TIAM1: variants seen among roughly 807,000 people sequenced by gnomAD.
TIAM1 encodes the protein TIAM Rac1 associated GEF 1.
Under a neutral mutation model 163.5 loss-of-function variants are expected in TIAM1, and 65 were observed. That is an observed-to-expected ratio of 0.40 (90% CI 0.33 to 0.49). The LOEUF (loss-of-function observed/expected upper bound fraction) is 0.49. Among genes scored for constraint, TIAM1 ranks in the 20% least tolerant of loss-of-function variants. The pLI, the probability that TIAM1 is intolerant of heterozygous loss-of-function variation, is 0.77. For missense variants in TIAM1, 1,789 were observed against 2,044.7 expected (o/e 0.87, Z 2.41); for synonymous variants, 833 against 810.1 (o/e 1.03, Z -0.48).
intron 23 of TIAM1, among the ~76,000 whole-genome samples, chr21:31,135,236 A>C (rs1415690308): frequency 2.6e-5 from 4 of 152,206 alleles, no homozygotes; most frequent in African/African-American, 9.7e-5. Flanking sequence ...TTGCAACAAC[A>C]AGCTATGTTT....
chr21:31,464,798 G>A lies in TIAM1; in HGVS notation c.-421-763C>T, dbSNP rs143737634. ...GCGGAGATTGCAGTGAGCCAAGATC[G>A]AGTCACTGCACTCCAGCCTGGGTGA... On this transcript the variant is annotated intron_variant, in intron 1 of 28. Coordinates refer to the TIAM1 transcript ENST00000286827. Among the ~76,000 whole-genome samples, 1,058 of 144,382 alleles carry A rather than the reference G, an allele frequency of 7.3e-3. 15 individuals carry two copies. The highest frequency in any genetic ancestry group is 0.026 in the African/African-American group (1,001 of 38,614). The allele number at this position is 144,382 out of a possible 152,430, so 94.7% of individuals were successfully genotyped here.
At chr21:31,465,372 C>G (rs1217189230) in intron 1 of TIAM1, among the ~76,000 whole-genome samples, 1 of 151,990 alleles carries the variant, frequency 6.6e-6, no homozygotes, top group Non-Finnish European at 1.5e-5. Context: ...GGACTACAGG[C>G]ATGTGCCACT....
intron 12 of TIAM1, among the ~76,000 whole-genome samples, chr21:31,201,389 ATCT>A (rs2086192131): frequency 6.6e-6 from 1 of 152,212 alleles, no homozygotes; most frequent in Non-Finnish European, 1.5e-5. Flanking sequence ...TATTTTGATA[ATCT>A]TCTATTGCAT....
At chr21:31,235,679 T>A (rs1363977653) in intron 6 of TIAM1, among the ~76,000 whole-genome samples, 1 of 152,226 alleles carries the variant, frequency 6.6e-6, no homozygotes, top group Non-Finnish European at 1.5e-5. Flanking sequence ...GTTAGCTGAA[T>A]TCTTTTAAAC....
intron 2 of TIAM1, among the ~76,000 whole-genome samples, chr21:31,280,255 T>C (rs564611172): frequency 4.7e-4 from 72 of 152,276 alleles, no homozygotes; most frequent in African/African-American, 1.5e-3. Flanking sequence ...CAGTGAAACG[T>C]AGTTGAATCA....
At chr21:31,131,340 A>C (rs980825255) in intron 23 of TIAM1, among the ~76,000 whole-genome samples, 1 of 152,210 alleles carries the variant, frequency 6.6e-6, no homozygotes, top group African/African-American at 2.4e-5. Flanking sequence ...GCTGAAGATG[A>C]TTTACATTTA....
At chr21:31,526,917 G>A (rs1389874493) in intron 1 of TIAM1, among the ~76,000 whole-genome samples, 2 of 152,112 alleles carry the variant, frequency 1.3e-5, no homozygotes, top group Non-Finnish European at 2.9e-5. Flanking sequence ...GACCAGGCTG[G>A]TCTCGAACTC....
intron 1 of TIAM1, among the ~76,000 whole-genome samples, chr21:31,496,451 C>T (rs2046645133): frequency 9.0e-6 from 1 of 110,872 alleles, no homozygotes; most frequent in Non-Finnish European, 1.7e-5. Context: ...GCCTGGGCAA[C>T]TCTGTCTCAA....
intron 2 of TIAM1, chr21:31,453,108 G>A (rs544300952): frequency 2.7e-5 from 9 of 332,090 alleles, no homozygotes; most frequent in Middle Eastern, 4.1e-4. Context: ...AGGAGGAACC[G>A]AGACAGTGAT....
At chr21:31,364,681 A>G (rs9981597) in intron 2 of TIAM1, among the ~76,000 whole-genome samples, 104,794 of 150,458 alleles carry the variant, frequency 0.7, 37,390 homozygotes, top group African/African-American at 0.87. Flanking sequence ...GGATGGATGG[A>G]TGGGTGGATG....
intron 7 of TIAM1, among the ~76,000 whole-genome samples, chr21:31,225,187 A>T (rs767108239): frequency 6.6e-6 from 1 of 151,766 alleles, no homozygotes; most frequent in Non-Finnish European, 1.5e-5. Flanking sequence ...TTTTGTAGAG[A>T]TAGGGTTTTG....
At chr21:31,460,549 C>CTGAG (rs917445210) in intron 2 of TIAM1, among the ~76,000 whole-genome samples, 3 of 152,210 alleles carry the variant, frequency 2.0e-5, no homozygotes, top group Non-Finnish European at 2.9e-5. Flanking sequence ...ATCACTTGAA[C>CTGAG]TGAGAGGCAG....
intron 2 of TIAM1, among the ~76,000 whole-genome samples, chr21:31,382,158 G>A (rs2076788930): frequency 6.6e-6 from 1 of 152,206 alleles, no homozygotes; most frequent in Non-Finnish European, 1.5e-5. Context: ...GGAACAAAAT[G>A]ATAAGCACAT....
At chr21:31,549,786 G>T (rs111563485) in intron 1 of TIAM1, among the ~76,000 whole-genome samples, 1 of 152,270 alleles carries the variant, frequency 6.6e-6, no homozygotes, top group Admixed American at 6.5e-5. Flanking sequence ...ATAGAATTAC[G>T]TATGACGTAG....
Position 31,547,201 on chromosome 21 carries a change from GC to G in TIAM1, c.-422+11725del, listed in dbSNP as rs147084996. 8.6e-3 allele frequency among the ~76,000 whole-genome samples: 1,304 copies of G among 152,260 alleles called. 15 individuals are homozygous for G. The highest frequency in any genetic ancestry group is 0.03 in the African/African-American group (1,234 of 41,542). On this transcript the variant is annotated intron_variant, in intron 1 of 28. Transcript: ENST00000286827. ...TAACTGGTCCTGTTTTAAAGAATGGGCAGTTAACTGGGATCTCTAAAGTCTT... is the reference window on the plus strand; with the variant it reads ...TAACTGGTCCTGTTTTAAAGAATGGGAGTTAACTGGGATCTCTAAAGTCTT...
At chr21:31,368,540 T>C (rs915995290) in intron 2 of TIAM1, among the ~76,000 whole-genome samples, 3 of 152,182 alleles carry the variant, frequency 2.0e-5, no homozygotes, top group Non-Finnish European at 4.4e-5. Flanking sequence ...AAGCTAAAAA[T>C]AGCGACCAAA....
intron 11 of TIAM1, among the ~76,000 whole-genome samples, chr21:31,207,135 G>A (rs1185634690): frequency 6.6e-6 from 1 of 152,182 alleles, no homozygotes; most frequent in Non-Finnish European, 1.5e-5. Flanking sequence ...ATGAAAATAT[G>A]TTGCAATTAT....
At chr21:31,452,641 T>C (rs1201701504) in intron 2 of TIAM1, 1 of 472,874 alleles carries the variant, frequency 2.1e-6, no homozygotes, top group African/African-American at 2.0e-5. Flanking sequence ...CATAATATTT[T>C]CTCACTGAAA....
intron 24 of TIAM1, 77 bp downstream of exon 24, chr21:31,130,813 G>C: frequency 2.2e-6 from 3 of 1,386,084 alleles, no homozygotes; most frequent in Non-Finnish European, 3.1e-6. Context: ...CTGACAAAAT[G>C]GTAGAATTAT....
Sources: allele counts gnomAD v4.1 joint callset (sites outside exome capture counted in the v4.1 genomes callset), GRCh38; gene constraint gnomAD v4.1.1; transcripts MANE v1.5; gene names NCBI Gene and HGNC (gene_info 2026-07-23, HGNC 2026-07-21).